The following ATAD1 variants were observed in gnomAD, a reference collection of about 807,000 sequenced individuals.
The protein encoded by ATAD1 is outer mitochondrial transmembrane helix translocase.
ATAD1 carries 18 observed loss-of-function variants against 42.7 expected under a neutral mutation model. The observed-to-expected ratio is 0.42, with a 90% CI of 0.29 to 0.63. The LOEUF is 0.63. Ranked by LOEUF, ATAD1 falls within the 20% of genes least tolerant of loss-of-function variation. The pLI is 0.19. For missense variants in ATAD1, 294 were observed against 440.4 expected (o/e 0.67, Z 2.98); for synonymous variants, 132 against 143.1 (o/e 0.92, Z 0.55).
intron 2 of ATAD1, among the ~76,000 whole-genome samples, chr10:87,793,414 A>G (rs1009792286): frequency 3.3e-5 from 5 of 152,226 alleles, no homozygotes; most frequent in Admixed American, 1.3e-4. Context: ...AAAAACATTT[A>G]CTGAGTGTGC....
chr10:87,826,153 G>A (rs200079480), intron 1 of ATAD1, among the ~76,000 whole-genome samples: 1 of 59,686 alleles, frequency 1.7e-5, no homozygotes, highest in South Asian at 3.6e-4. Context: ...CCAGAAAACA[G>A]CAGCAGCAGC....
intron 1 of ATAD1, among the ~76,000 whole-genome samples, chr10:87,829,078 G>T (rs966044928): frequency 3.9e-5 from 6 of 152,088 alleles, no homozygotes; most frequent in Non-Finnish European, 4.4e-5. Context: ...CATCCATTCT[G>T]CAGTCCATGG....
chr10:87,788,623 C>T (rs917536403), intron 4 of ATAD1, among the ~76,000 whole-genome samples: 9 of 152,190 alleles, frequency 5.9e-5, no homozygotes, highest in Admixed American at 5.9e-4. Flanking sequence ...GTCTTTAAAC[C>T]AAGTCCAACT....
chr10:87,761,361 G>A (rs184014356), intron 8 of ATAD1, among the ~76,000 whole-genome samples: 1 of 152,138 alleles, frequency 6.6e-6, no homozygotes, highest in African/African-American at 2.4e-5. Context: ...TAACAGAATT[G>A]CTAAAAATTC....
At chr10:87,805,772 C>CT (rs1040624779) in intron 2 of ATAD1, among the ~76,000 whole-genome samples, 10 of 148,918 alleles carry the variant, frequency 6.7e-5, no homozygotes, top group Middle Eastern at 3.5e-3. Flanking sequence ...AACCTTCTCC[C>CT]TTTTTTTTTT....
rs1298569584 is a variant in ATAD1 at position 87,752,509 on chromosome 10, G to A, written c.*2178C>T. 6.6e-6 allele frequency: 1 copy of A among 151,788 alleles called. No homozygotes were observed. The highest frequency in any genetic ancestry group is 1.5e-5 in the Non-Finnish European group (1 of 67,956). 9.4% of individuals were successfully genotyped at this position (151,788 alleles called of 1,614,324 possible). A position where few individuals can be genotyped will look rare whatever the true frequency, so the allele number is the denominator to read the frequency against. On this transcript the variant is annotated 3_prime_UTR_variant, in exon 10 of 10. Coordinates refer to ENST00000680024, the MANE Select transcript of ATAD1 (RefSeq NM_001321967.2). ...ACCCTTTAAGATGAGTGCCACTGTT[G>A]CCCCATTTTACAGATGAGAAACTGG... is the stretch of plus-strand genomic sequence containing the variant.
chr10:87,763,440 C>T (rs1383133972), intron 8 of ATAD1, among the ~76,000 whole-genome samples: 1 of 152,190 alleles, frequency 6.6e-6, no homozygotes, highest in Non-Finnish European at 1.5e-5. Flanking sequence ...AGGAGGATAC[C>T]TCGAGGTCAG....
At chr10:87,755,973 C>T (rs1196059724) in intron 9 of ATAD1, among the ~76,000 whole-genome samples, 1 of 152,192 alleles carries the variant, frequency 6.6e-6, no homozygotes. Context: ...AGAGCCACTG[C>T]ATATACAGCT....
chr10:87,801,613 A>G (rs1402792471), intron 2 of ATAD1, among the ~76,000 whole-genome samples: 2 of 151,998 alleles, frequency 1.3e-5, no homozygotes, highest in Non-Finnish European at 2.9e-5. Flanking sequence ...TACATTATCA[A>G]TAATAATTAT....
intron 2 of ATAD1, among the ~76,000 whole-genome samples, chr10:87,807,609 A>G (rs1856986258): frequency 6.6e-6 from 1 of 152,030 alleles, no homozygotes; most frequent in Admixed American, 6.6e-5. Context: ...TGTCTATTTA[A>G]GTTTCTTTGC....
At chr10:87,829,234 A>ATTTTTTAT in intron 1 of ATAD1, among the ~76,000 whole-genome samples, 1 of 142,966 alleles carries the variant, frequency 7.0e-6, no homozygotes, top group South Asian at 2.3e-4. Context: ...TATTTTATTT[A>ATTTTTTAT]TTATTTATTT....
intron 2 of ATAD1, among the ~76,000 whole-genome samples, chr10:87,794,482 T>C (rs887831306): frequency 6.6e-6 from 1 of 152,228 alleles, no homozygotes; most frequent in African/African-American, 2.4e-5. Context: ...TGTGTTCTTT[T>C]TAAGCAACGC....
chr10:87,754,634 G>A lies in ATAD1; in HGVS notation c.*53C>T. ...TCTTTCCGTTCTATTTCCACTAACT[G>A]ATAAGAGGACACACCAAACTAGATC... On this transcript the variant is annotated 3_prime_UTR_variant, in exon 10 of 10. Coordinates refer to ENST00000680024, the MANE Select transcript of ATAD1 (RefSeq NM_001321967.2). 3.2e-6 allele frequency: 5 copies of A among 1,560,026 alleles called. No individual in the cohort carries two copies. Among genetic ancestry groups the A allele is most frequent in the Non-Finnish European group, 4.4e-6 (5 of 1,145,852 alleles).
At chr10:87,776,077 G>GT (rs1276954939) in intron 6 of ATAD1, among the ~76,000 whole-genome samples, 9 of 152,260 alleles carry the variant, frequency 5.9e-5, no homozygotes, top group Non-Finnish European at 1.3e-4. Context: ...TTACTCTGGT[G>GT]TTTTCTCTTC....
chr10:87,769,283 T>C (rs1432863766), intron 7 of ATAD1, among the ~76,000 whole-genome samples: 1 of 152,148 alleles, frequency 6.6e-6, no homozygotes, highest in African/African-American at 2.4e-5. Context: ...CAGCCTCCTC[T>C]CCATCTATAT....
chr10:87,819,280 A>AAAAAAAC (rs1554886170), upstream of ATAD1: 11 of 149,932 alleles, frequency 7.3e-5, no homozygotes, highest in African/African-American at 2.2e-4. Flanking sequence ...AAAAAAAAAA[A>AAAAAAAC]AAAAAAAAAA....
At chr10:87,770,338 G>C (rs150114774) in intron 7 of ATAD1, among the ~76,000 whole-genome samples, 103 of 152,306 alleles carry the variant, frequency 6.8e-4, no homozygotes, top group Admixed American at 1.8e-3. Context: ...CAGAATTCAA[G>C]ATTTGAAGAT....
intron 9 of ATAD1, 114 bp from the exon 10 acceptor site, chr10:87,754,921 A>G (rs1004132728): frequency 2.3e-6 from 3 of 1,280,186 alleles, no homozygotes; most frequent in South Asian, 1.6e-5. Context: ...TTTTGTTTTC[A>G]ACTGTAGAAA....
upstream of ATAD1, among the ~76,000 whole-genome samples, chr10:87,820,753 A>G (rs1201479260): frequency 6.6e-6 from 1 of 152,248 alleles, no homozygotes; most frequent in Non-Finnish European, 1.5e-5. Context: ...ATTTTCATTT[A>G]GCAAATCCGT....
Sources: gnomAD v4.1 joint callset for allele counts (sites outside exome capture counted in the v4.1 genomes callset) on GRCh38, gnomAD v4.1.1 for gene constraint, MANE v1.5 for transcripts, NCBI Gene and HGNC (gene_info 2026-07-23, HGNC 2026-07-21) for gene names.